The following IAPP variants were observed in gnomAD, a reference collection of about 807,000 sequenced individuals.
IAPP encodes the protein Islet amyloid polypeptide (diabetes-associated peptide; amylin).
In IAPP, 4 loss-of-function variants were observed where a neutral mutation model predicts 2.9. The ratio of observed to expected loss-of-function variants is 1.39; its 90% CI spans 0.69 to 3.19. The LOEUF (loss-of-function observed/expected upper bound fraction) is 3.19, where lower values mean the gene tolerates loss of function less well. IAPP is among the 30% of genes most tolerant of loss of function. IAPP has a pLI of 0.01. For missense variants in IAPP, 114 were observed against 105.3 expected, an observed-to-expected ratio of 1.08 and a Z score of -0.36; for synonymous variants, 40 against 42.1, an observed-to-expected ratio of 0.95 and a Z score of 0.19.
chr12:21,376,761 C>A lies in IAPP; in HGVS notation c.81-1476C>A, dbSNP rs529501166. On this transcript the variant is annotated intron_variant, in intron 2 of 2. Coordinates refer to ENST00000240652, the MANE Select transcript of IAPP (RefSeq NM_000415.3). Reference sequence around the variant, plus strand: ...TGAAATACTCCCCACACAAGGTAAACACAATGAGATAAATCCATTGCATTT... The same window carrying A: ...TGAAATACTCCCCACACAAGGTAAAAACAATGAGATAAATCCATTGCATTT... Among the ~76,000 whole-genome samples the A allele has an allele frequency of 1.1e-4, 17 of 152,060 alleles. No homozygotes were observed. In the South Asian group the frequency reaches 3.3e-3, roughly 30 times the overall value.
chr12:21,359,929 T>C (rs1351982183), intron 1 of IAPP, among the ~76,000 whole-genome samples: 1 of 152,046 alleles, frequency 6.6e-6, no homozygotes, highest in Non-Finnish European at 1.5e-5. Flanking sequence ...TTTTGTAATA[T>C]ATTCACACAA....
intron 1 of IAPP, among the ~76,000 whole-genome samples, chr12:21,367,372 T>C (rs1939468150): frequency 6.6e-6 from 1 of 151,924 alleles, no homozygotes; most frequent in Non-Finnish European, 1.5e-5. Flanking sequence ...TTTCTCAATA[T>C]GAAAGCAAAA....
intron 1 of IAPP, among the ~76,000 whole-genome samples, chr12:21,360,528 C>T (rs975774983): frequency 6.6e-6 from 1 of 152,174 alleles, no homozygotes; most frequent in Non-Finnish European, 1.5e-5. Flanking sequence ...ACTGAGGTAC[C>T]AGGTTCATCT....
chr12:21,360,780 C>T (rs1052092730), intron 1 of IAPP, among the ~76,000 whole-genome samples: 9 of 152,330 alleles, frequency 5.9e-5, no homozygotes, highest in African/African-American at 2.2e-4. Flanking sequence ...CACGGAGGCT[C>T]GCTCACTGCT....
upstream of IAPP, among the ~76,000 whole-genome samples, chr12:21,371,325 C>A (rs1939772899): frequency 6.6e-6 from 1 of 152,134 alleles, no homozygotes; most frequent in Non-Finnish European, 1.5e-5. Context: ...GAGTCTAGTC[C>A]TGCCTCCTAC....
At chr12:21,373,156 A>G (rs1235195089) in intron 1 of IAPP, among the ~76,000 whole-genome samples, 152 bp downstream of exon 1, 1 of 152,204 alleles carries the variant, frequency 6.6e-6, no homozygotes, top group Non-Finnish European at 1.5e-5. Flanking sequence ...TTGGGAAAGT[A>G]AAAATCTCGA....
upstream of IAPP, chr12:21,372,801 A>G (rs1939896242): frequency 6.3e-6 from 1 of 159,304 alleles, no homozygotes; most frequent in South Asian, 1.9e-4. Context: ...CTTTCTATCT[A>G]TAGGGATGGA....
chr12:21,377,309 G>A (rs1940271577), intron 2 of IAPP, among the ~76,000 whole-genome samples: 1 of 152,094 alleles, frequency 6.6e-6, no homozygotes, highest in Non-Finnish European at 1.5e-5. Context: ...ACCTGAACAG[G>A]TGATAGATTT....
At chr12:21,359,676 G>A (rs941593767) in intron 1 of IAPP, among the ~76,000 whole-genome samples, 2 of 151,964 alleles carry the variant, frequency 1.3e-5, no homozygotes, top group Non-Finnish European at 2.9e-5. Context: ...GAACCCAGGA[G>A]GCAGAGCTTG....
rs570329089 is a variant in IAPP at position 21,361,893 on chromosome 12, T to C, written c.-16+6880T>C. 4.6e-5 allele frequency among the ~76,000 whole-genome samples: 7 copies of C among 152,204 alleles called. No homozygotes were observed. The South Asian group carries it at 8.3e-4, about 18-fold the overall frequency. ...AAAGCCTCCAAGAAATATGGGACTA[T>C]GTGAAAAGACCAAATCTACGTCTGA... is the stretch of plus-strand genomic sequence containing the variant. On this transcript the variant is annotated intron_variant, in intron 1 of 2. Transcript: ENST00000539393.
upstream of IAPP, among the ~76,000 whole-genome samples, chr12:21,372,518 G>A (rs1235227897): frequency 1.3e-5 from 2 of 152,058 alleles, no homozygotes; most frequent in African/African-American, 4.8e-5. Context: ...AGCCATTGAG[G>A]TCACTTGGGT....
chr12:21,374,792 CT>C (rs1180151557), intron 2 of IAPP, among the ~76,000 whole-genome samples: 2 of 151,498 alleles, frequency 1.3e-5, no homozygotes, highest in African/African-American at 2.4e-5. Flanking sequence ...TTTACCCTCT[CT>C]TTTTTTTATT....
chr12:21,358,064 A>G (rs982026886), intron 1 of IAPP, among the ~76,000 whole-genome samples: 1 of 152,120 alleles, frequency 6.6e-6, no homozygotes, highest in Admixed American at 6.6e-5. Flanking sequence ...CTTTACTCAC[A>G]TGTTTTGAAT....
rs553163145 is a variant in IAPP at position 21,367,259 on chromosome 12, T to C, written c.-15-6078T>C. Among the ~76,000 whole-genome samples, 16 of 152,338 alleles carry C rather than the reference T, an allele frequency of 1.1e-4. No individual in the cohort carries two copies. The South Asian group carries it at 3.3e-3, about 32-fold the overall frequency. ...AAACAAAAGGTCTCAGTCTTTCATG[T>C]GTCCATTCTCAGGAAGCTACTGCAG... On this transcript the variant is annotated intron_variant, in intron 1 of 2. Transcript: ENST00000539393.
At chr12:21,373,232 C>T (rs187219952) in intron 1 of IAPP, 105 bp from the exon 2 acceptor site, 137 of 750,328 alleles carry the variant, frequency 1.8e-4, no homozygotes, top group South Asian at 4.9e-4. Context: ...TTGTAAATTA[C>T]GTTTTAAAAA....
intron 2 of IAPP, chr12:21,373,811 G>A: frequency 1.6e-6 from 1 of 626,218 alleles, no homozygotes. Flanking sequence ...TTTATACCAA[G>A]TGGATTCTTT....
upstream of IAPP, among the ~76,000 whole-genome samples, chr12:21,369,715 C>A (rs1267475516): frequency 6.6e-6 from 1 of 152,070 alleles, no homozygotes; most frequent in Non-Finnish European, 1.5e-5. Flanking sequence ...CAAGGTGGGG[C>A]CTGAGATTCT....
chr12:21,372,417 T>A (rs1327455377), upstream of IAPP, among the ~76,000 whole-genome samples: 1 of 152,190 alleles, frequency 6.6e-6, no homozygotes, highest in African/African-American at 2.4e-5. Flanking sequence ...TCCCCTCACC[T>A]CATTGTAAAT....
Position 21,379,459 on chromosome 12 carries a change from A to C in IAPP, c.*1033A>C, listed in dbSNP as rs1940446176. ...CTTGTGTTCTATTAATCGTGTCTTC[A>C]ATTAAAAGACCACAGACTTCTGGAA... On this transcript the variant is annotated 3_prime_UTR_variant, in exon 3 of 3. Coordinates refer to ENST00000240652, the MANE Select transcript of IAPP (RefSeq NM_000415.3). 6.6e-6 allele frequency: 1 copy of C among 152,222 alleles called. No homozygotes were observed. The highest frequency in any genetic ancestry group is 1.5e-5 in the Non-Finnish European group (1 of 68,034). The allele number at this position is 152,222 out of a possible 1,614,324, so 9.4% of individuals were successfully genotyped here. A position where few individuals can be genotyped will look rare whatever the true frequency, so the allele number is the denominator to read the frequency against.
Sources: allele counts gnomAD v4.1 joint callset (sites outside exome capture counted in the v4.1 genomes callset), GRCh38; gene constraint gnomAD v4.1.1; transcripts MANE v1.5; gene names NCBI Gene and HGNC (gene_info 2026-07-23, HGNC 2026-07-21).